Variants in ITPR2 observed in about 807,000 individuals in gnomAD.
ITPR2 encodes the protein inositol 1,4,5-trisphosphate-gated calcium channel ITPR2.
Under a neutral mutation model 317.1 loss-of-function variants are expected in ITPR2, and 207 were observed. That is an observed-to-expected ratio of 0.65 (90% CI 0.58 to 0.73). The LOEUF is 0.73. ITPR2 is among the 30% of genes least tolerant of loss of function. ITPR2 has a pLI of 0.00. For synonymous variants in ITPR2, 1,156 were observed against 1,149.1 expected (o/e 1.01, Z -0.12); for missense variants, 2,613 against 3,284.0 (o/e 0.80, Z 4.99).
intron 51 of ITPR2, among the ~76,000 whole-genome samples, 200 bp from the exon 52 acceptor site, chr12:26,411,612 T>TA (rs2136671483): frequency 6.6e-6 from 1 of 152,346 alleles, no homozygotes; most frequent in African/African-American, 2.4e-5. Context: ...AATAGCTTCA[T>TA]AGGCCAACCC....
chr12:26,550,130 C>T (rs1397237230), intron 37 of ITPR2, 117 bp downstream of exon 37: 3 of 513,908 alleles, frequency 5.8e-6, no homozygotes, highest in Non-Finnish European at 1.0e-5. Flanking sequence ...CATCTAAGTA[C>T]ATGCATCATT....
chr12:26,659,683 T>G (rs1020821645), intron 15 of ITPR2, among the ~76,000 whole-genome samples: 3 of 152,228 alleles, frequency 2.0e-5, no homozygotes, highest in African/African-American at 7.2e-5. Flanking sequence ...ACAATAACTT[T>G]GGATTTCATC....
intron 36 of ITPR2, among the ~76,000 whole-genome samples, chr12:26,555,888 T>G (rs887102646): frequency 6.6e-5 from 10 of 152,184 alleles, no homozygotes; most frequent in African/African-American, 2.4e-4. Context: ...TTTCTCCCTA[T>G]GTTAATGAAA....
At chr12:26,398,136 A>G (rs551332837) in intron 54 of ITPR2, among the ~76,000 whole-genome samples, 53 of 151,630 alleles carry the variant, frequency 3.5e-4, no homozygotes, top group African/African-American at 1.2e-3. Flanking sequence ...AAAAACTGAG[A>G]GAAGGGCCGG....
chr12:26,575,550 T>C (rs1025503941), intron 34 of ITPR2, among the ~76,000 whole-genome samples: 2 of 152,034 alleles, frequency 1.3e-5, no homozygotes, highest in Non-Finnish European at 2.9e-5. Flanking sequence ...GAGATTGATA[T>C]GGAAACCTCA....
chr12:26,422,942 A>G (rs930117930), intron 49 of ITPR2, among the ~76,000 whole-genome samples: 12 of 152,220 alleles, frequency 7.9e-5, no homozygotes, highest in Non-Finnish European at 1.6e-4. Flanking sequence ...TTTCAGGGGC[A>G]TTACATCTAC....
chr12:26,610,574 T>C (rs1320274526), intron 26 of ITPR2, among the ~76,000 whole-genome samples: 2 of 151,972 alleles, frequency 1.3e-5, no homozygotes, highest in Non-Finnish European at 2.9e-5. Context: ...AGTAATATAA[T>C]TAATAAATAA....
intron 9 of ITPR2, among the ~76,000 whole-genome samples, chr12:26,696,601 A>C (rs1410835798): frequency 6.6e-6 from 1 of 152,200 alleles, no homozygotes; most frequent in Non-Finnish European, 1.5e-5. Flanking sequence ...CTCATTAAGA[A>C]CTAAGGCTGA....
intron 18 of ITPR2, 33 bp downstream of exon 18, chr12:26,657,674 G>C (rs1164926429): frequency 1.9e-6 from 3 of 1,577,052 alleles, no homozygotes; most frequent in Non-Finnish European, 2.6e-6. Flanking sequence ...TGTGAGACTG[G>C]GAATTATTGT....
At chr12:26,375,472 C>T (rs1332417117) in intron 55 of ITPR2, among the ~76,000 whole-genome samples, 1 of 152,240 alleles carries the variant, frequency 6.6e-6, no homozygotes, top group Admixed American at 6.5e-5. Flanking sequence ...GACCACACCA[C>T]CTCTAGGTTC....
intron 2 of ITPR2, among the ~76,000 whole-genome samples, chr12:26,746,837 T>TGA (rs1949334312): frequency 6.6e-6 from 1 of 151,872 alleles, no homozygotes; most frequent in South Asian, 2.1e-4. Context: ...TGTGTGTGTG[T>TGA]GTGTGTGTGT....
intron 39 of ITPR2, among the ~76,000 whole-genome samples, chr12:26,489,069 C>T (rs1942737036): frequency 6.6e-6 from 1 of 152,144 alleles, no homozygotes; most frequent in Admixed American, 6.6e-5. Flanking sequence ...ACATAGATAA[C>T]ACCTTTTAAG....
intron 30 of ITPR2, 88 bp downstream of exon 30, chr12:26,599,057 T>G: frequency 2.6e-6 from 3 of 1,164,730 alleles, no homozygotes; most frequent in Non-Finnish European, 3.8e-6. Context: ...CAAACCTATG[T>G]TGTTGGGGGC....
At chr12:26,771,506 T>A (rs1949843064) in intron 2 of ITPR2, among the ~76,000 whole-genome samples, 1 of 152,110 alleles carries the variant, frequency 6.6e-6, no homozygotes, top group South Asian at 2.1e-4. Context: ...GTTGTTGTTA[T>A]TATTATTGTT....
Position 26,663,801 on chromosome 12 carries a change from C to T in ITPR2, c.1597G>A (p.Gly533Ser), listed in dbSNP as rs1186003274. 25 of 1,613,738 alleles carry T rather than the reference C, an allele frequency of 1.5e-5. No individual in the cohort carries two copies. Among genetic ancestry groups the T allele is most frequent in the Non-Finnish European group, 2.0e-5 (24 of 1,179,894 alleles). ...KAPFKEKAGE[G>S]SMLRLEDLGD... is the part of the protein sequence containing the mutation. ...AGATCTTCAAGTCTCAGCATCGAGC[C>T]TTCTCCTGCTTTCTCTTTAAAGGGT... Residue 533 changes from glycine (G) to serine (S), a missense_variant, in exon 15 of 57, where the codon GGC (glycine) becomes AGC (serine). Around this residue, in one of 9 missense-constraint regions of ITPR2, gnomAD observed 515 missense variants for 789.4 expected, o/e 0.65. Transcript: ENST00000381340.
chr12:26,458,566 C>T (rs1941942461), intron 45 of ITPR2, among the ~76,000 whole-genome samples: 1 of 152,172 alleles, frequency 6.6e-6, no homozygotes, highest in Non-Finnish European at 1.5e-5. Flanking sequence ...CAATGTTAAA[C>T]ACGAGGGCGT....
chr12:26,360,632 A>C (rs960175837), intron 55 of ITPR2, among the ~76,000 whole-genome samples: 3 of 152,148 alleles, frequency 2.0e-5, no homozygotes, highest in African/African-American at 7.2e-5. Flanking sequence ...TTGGATTTAA[A>C]ATTTATCACC....
chr12:26,786,731 C>T (rs1950258813), intron 2 of ITPR2, among the ~76,000 whole-genome samples: 3 of 152,174 alleles, frequency 2.0e-5, no homozygotes, highest in African/African-American at 7.2e-5. Context: ...ACTAGATTTA[C>T]TTTTAATTGC....
At chr12:26,598,262 T>A (rs1565630173) in intron 30 of ITPR2, among the ~76,000 whole-genome samples, 1 of 152,190 alleles carries the variant, frequency 6.6e-6, no homozygotes, top group Admixed American at 6.5e-5. Context: ...TTAAAAAAAT[T>A]CAAGGCTTTA....
Sources: gnomAD v4.1 joint callset for allele counts (sites outside exome capture counted in the v4.1 genomes callset) on GRCh38, gnomAD v4.1.1 for gene constraint, gnomAD v4.1.1 regional missense constraint, MANE v1.5 for transcripts, NCBI Gene and HGNC (gene_info 2026-07-23, HGNC 2026-07-21) for gene names.